Variants in VWA5B1 observed in about 807,000 individuals in gnomAD.
The protein encoded by VWA5B1 is von Willebrand factor A domain containing 5B1, also known as von Willebrand factor A domain-containing protein 5B1.
In VWA5B1, 115 loss-of-function variants were observed where a neutral mutation model predicts 118.2. The observed-to-expected ratio is 0.97, with a 90% CI of 0.84 to 1.14. The LOEUF is 1.14. Among genes scored for constraint, VWA5B1 ranks in the 50% most tolerant of loss-of-function variants. VWA5B1 has a pLI of 0.00. For synonymous variants in VWA5B1, 682 were observed against 658.4 expected (o/e 1.04, Z -0.55); for missense variants, 1,596 against 1,603.8 (o/e 1.00, Z 0.08).
At chr1:20,351,053 G>C in intron 20 of VWA5B1, 127 bp downstream of exon 20, 1 of 870,308 alleles carries the variant, frequency 1.1e-6, no homozygotes, top group Non-Finnish European at 1.8e-6. Context: ...GTGTCGTAAA[G>C]AAGGCACTCC....
intron 1 of VWA5B1, among the ~76,000 whole-genome samples, chr1:20,305,313 A>T (rs181310746): frequency 5.3e-5 from 8 of 152,232 alleles, no homozygotes; most frequent in South Asian, 2.1e-4. Context: ...AAGGTTGCTG[A>T]CATGCGGGAT....
chr1:20,348,393 G>C, intron 18 of VWA5B1, 35 bp downstream of exon 18: 1 of 1,549,432 alleles, frequency 6.5e-7, no homozygotes, highest in Non-Finnish European at 8.7e-7. Flanking sequence ...GCCACCCTGG[G>C]CACTTTCGGA....
At chr1:20,341,550 G>A (rs533905725) in intron 14 of VWA5B1, among the ~76,000 whole-genome samples, 40 of 152,270 alleles carry the variant, frequency 2.6e-4, no homozygotes, top group Non-Finnish European at 5.0e-4. Context: ...CAAATTTTTC[G>A]TGAGGCTGAG....
chr1:20,291,766 C>T (rs913916009), intron 1 of VWA5B1, among the ~76,000 whole-genome samples: 58 of 152,336 alleles, frequency 3.8e-4, no homozygotes, highest in African/African-American at 1.4e-3. Context: ...CCCGTGTCTC[C>T]TGCAAGGTAA....
At chr1:20,321,412 C>G (rs2089211192) in intron 7 of VWA5B1, among the ~76,000 whole-genome samples, 1 of 152,106 alleles carries the variant, frequency 6.6e-6, no homozygotes. Flanking sequence ...TGGCGAAACC[C>G]CGTCTCTACT....
intron 18 of VWA5B1, 88 bp downstream of exon 18, chr1:20,348,446 C>CT: frequency 7.5e-7 from 1 of 1,338,592 alleles, no homozygotes; most frequent in African/African-American, 1.4e-5. Flanking sequence ...GTCCGAGGCC[C>CT]TAGGACCACT....
chr1:20,345,691 G>A, intron 17 of VWA5B1, 98 bp downstream of exon 17: 1 of 1,433,398 alleles, frequency 7.0e-7, no homozygotes, highest in East Asian at 2.6e-5. Flanking sequence ...GACCAGCAGG[G>A]AGCGGGGTGA....
At position 20,354,626 on chromosome 1, in the gene VWA5B1, C is replaced by T; in HGVS notation, c.*363C>T. ...AGGGAAGATGCAGTGGAAGCCTGAGCCCTGTCTGGAGGTAGACCACGTGGG... is the reference window on the plus strand; with the variant it reads ...AGGGAAGATGCAGTGGAAGCCTGAGTCCTGTCTGGAGGTAGACCACGTGGG... On this transcript the variant is annotated 3_prime_UTR_variant, in exon 22 of 22. Coordinates refer to ENST00000289815, the MANE Select transcript of VWA5B1 (RefSeq NM_001039500.3). 3.6e-6 allele frequency: 1 copy of T among 280,154 alleles called. No individual in the cohort carries two copies. The highest frequency in any genetic ancestry group is 6.7e-6 in the Non-Finnish European group (1 of 148,308). 17.4% of individuals were successfully genotyped at this position (280,154 alleles called of 1,614,324 possible).
At chr1:20,334,790 G>A (rs1366946857) in intron 12 of VWA5B1, among the ~76,000 whole-genome samples, 1 of 152,086 alleles carries the variant, frequency 6.6e-6, no homozygotes, top group Admixed American at 6.5e-5. Flanking sequence ...CAGCCTGGGG[G>A]ATAGGGCGAG....
At chr1:20,340,281 C>T (rs1242327959) in intron 14 of VWA5B1, among the ~76,000 whole-genome samples, 1 of 152,134 alleles carries the variant, frequency 6.6e-6, no homozygotes, top group Non-Finnish European at 1.5e-5. Context: ...GCCATGGAAA[C>T]GTTACCAGCT....
At chr1:20,350,013 G>C (rs2090094092) in intron 18 of VWA5B1, 143 bp from the exon 19 acceptor site, 2 of 744,836 alleles carry the variant, frequency 2.7e-6, no homozygotes, top group African/African-American at 1.7e-5. Flanking sequence ...AAAGATGAAG[G>C]CCCATCCGAG....
rs1331122314 is a variant in VWA5B1 at position 20,357,990 on chromosome 1, C to G, written c.*3727C>G. ...CTCCCACCACATGCAGATGCAGAAC[C>G]CTGTCTCAGGCCCCTCAGCTCGAGA... On this transcript the variant is annotated 3_prime_UTR_variant, in exon 22 of 22. Coordinates refer to ENST00000289815, the MANE Select transcript of VWA5B1 (RefSeq NM_001039500.3). 6.6e-6 allele frequency among the ~76,000 whole-genome samples: 1 copy of G among 152,178 alleles called. No homozygotes were observed. Among genetic ancestry groups the G allele is most frequent in the East Asian group, 1.9e-4 (1 of 5,176 alleles).
intron 3 of VWA5B1, among the ~76,000 whole-genome samples, chr1:20,313,717 G>A (rs56321439): frequency 0.052 from 7,926 of 152,300 alleles, 268 homozygotes; most frequent in Admixed American, 0.085. Flanking sequence ...TGTTCGGTGA[G>A]CACTCATCCT....
intron 1 of VWA5B1, 36 bp from the exon 2 acceptor site, chr1:20,310,540 C>A: frequency 6.9e-7 from 1 of 1,450,586 alleles, no homozygotes; most frequent in South Asian, 1.5e-5. Context: ...CCTGGGGGAG[C>A]CTCTTCCCAC....
chr1:20,345,577 G>T lies in VWA5B1; in HGVS notation c.2748G>T (p.Val916=). 6.5e-7 allele frequency: 1 copy of T among 1,549,664 alleles called. No individual in the cohort carries two copies. The highest frequency in any genetic ancestry group is 1.2e-5 in the South Asian group (1 of 83,900). ...VSKSRYLPTV[V]EYPNSGAALR... The stretch of plus-strand genomic sequence containing the variant: ...AGAGCCGGTACCTGCCCACCGTGGT[G>T]GAGTACCCCAACTCTGGTAAGGCAG... Residue 916 remains valine, a synonymous_variant, in exon 17 of 22, where the codon GTG becomes GTT. Coordinates refer to ENST00000289815, the MANE Select transcript of VWA5B1 (RefSeq NM_001039500.3).
At chr1:20,326,547 C>G (rs543167218) in intron 8 of VWA5B1, among the ~76,000 whole-genome samples, 5 of 152,238 alleles carry the variant, frequency 3.3e-5, no homozygotes, top group African/African-American at 1.2e-4. Flanking sequence ...CTCACTGCAG[C>G]CTCCGCCTCC....
At chr1:20,337,250 C>T (rs558068690) in intron 13 of VWA5B1, among the ~76,000 whole-genome samples, 1 of 152,290 alleles carries the variant, frequency 6.6e-6, no homozygotes, top group East Asian at 1.9e-4. Flanking sequence ...GCCTCAGCCT[C>T]CCGAATAGCT....
chr1:20,330,983 G>C lies in VWA5B1; in HGVS notation c.1572G>C (p.Lys524Asn). The C allele has an allele frequency of 6.5e-7, 1 of 1,545,256 alleles. No homozygotes were observed. Among genetic ancestry groups the C allele is most frequent in the Non-Finnish European group, 8.7e-7 (1 of 1,143,938 alleles). Reference protein sequence around the residue: ...LLMEGERLQPKMVKSLKKAMA... With the variant: ...LLMEGERLQPNMVKSLKKAMA... ...TGGAGGGGGAGCGGCTGCAACCCAA[G>C]GTAGGCAGCAGAACCCACGCAGTCC... is the stretch of plus-strand genomic sequence containing the variant. Residue 524 changes from lysine (K) to asparagine (N), a missense_variant and splice_region_variant, in exon 11 of 22, where the codon AAG becomes AAC. By Grantham distance (94) the Lys-to-Asn change is moderately conservative (BLOSUM62 0). Coordinates refer to ENST00000289815, the MANE Select transcript of VWA5B1 (RefSeq NM_001039500.3).
intron 20 of VWA5B1, among the ~76,000 whole-genome samples, chr1:20,351,298 C>G (rs556745071): frequency 6.6e-6 from 1 of 152,122 alleles, no homozygotes; most frequent in Non-Finnish European, 1.5e-5. Flanking sequence ...GCAGGAGGAT[C>G]ACTTGAGGCC....
Sources: allele counts gnomAD v4.1 joint callset (sites outside exome capture counted in the v4.1 genomes callset), GRCh38; gene constraint gnomAD v4.1.1; transcripts MANE v1.5; gene names NCBI Gene and HGNC (gene_info 2026-07-23, HGNC 2026-07-21).